Variants in DOC2B observed in about 807,000 individuals in gnomAD.
DOC2B encodes double C2-like domain-containing protein beta.
DOC2B carries 21 observed loss-of-function variants against 28.9 expected under a neutral mutation model. The observed-to-expected ratio is 0.73, with a 90% CI of 0.52 to 1.05. The LOEUF is 1.05. Ranked by LOEUF, DOC2B falls within the 50% of genes least tolerant of loss-of-function variation. DOC2B has a pLI of 0.00. For missense variants in DOC2B, 384 were observed against 421.1 expected, an observed-to-expected ratio of 0.91 and a Z score of 0.77; for synonymous variants, 194 against 178.1, an observed-to-expected ratio of 1.09 and a Z score of -0.71.
At position 181,106 on chromosome 17, in the gene DOC2B, C is replaced by T; in HGVS notation, c.373+1G>A. ...GCGAAGTCGGCGCGTGGGAAACTTACTGCAGTCGTCCGACTCGTAGCCGTC... is the reference window on the plus strand; with the variant it reads ...GCGAAGTCGGCGCGTGGGAAACTTATTGCAGTCGTCCGACTCGTAGCCGTC... On this transcript the variant is annotated splice_donor_variant, in intron 1 of 8. Transcript: ENST00000613549. LOFTEE classifies it high-confidence loss of function. The surrounding 1 kb of genome is among the most constrained non-coding windows in gnomAD (Gnocchi z 7.0). 1 of 1,246,436 alleles carries T rather than the reference C, an allele frequency of 8.0e-7. No homozygotes were observed. The highest frequency in any genetic ancestry group is 1.0e-6 in the Non-Finnish European group (1 of 994,188). The allele number at this position is 1,246,436 out of a possible 1,614,324, so 77.2% of individuals were successfully genotyped here.
chr17:172,269 GCTCGAGGGT>G (rs1247000442), intron 2 of DOC2B, among the ~76,000 whole-genome samples: 16 of 151,962 alleles, frequency 1.1e-4, no homozygotes, highest in Non-Finnish European at 1.6e-4. Flanking sequence ...CCCTCCCCAG[GCTCGAGGGT>G]CCTCGGTCCA....
intron 6 of DOC2B, among the ~76,000 whole-genome samples, chr17:149,783 G>C (rs1336216327): frequency 6.6e-6 from 1 of 152,206 alleles, no homozygotes; most frequent in African/African-American, 2.4e-5. Flanking sequence ...TGGGATTACA[G>C]GCGTGAGCCA....
At chr17:155,295 T>TA (rs1205433877) in intron 6 of DOC2B, among the ~76,000 whole-genome samples, 1 of 152,146 alleles carries the variant, frequency 6.6e-6, no homozygotes, top group Non-Finnish European at 1.5e-5. Flanking sequence ...ACCTGCCACA[T>TA]ACAATTTTTA....
In DOC2B at chr17:181,364, CG is replaced by C; in HGVS notation, c.115del (p.Arg39AlafsTer115). 3 of 1,131,024 alleles carry C rather than the reference CG, an allele frequency of 2.7e-6. No homozygotes were observed. The highest frequency in any genetic ancestry group is 5.4e-5 in the East Asian group (1 of 18,666). The allele number at this position is 1,131,024 out of a possible 1,614,324, so 70.1% of individuals were successfully genotyped here. A position where few individuals can be genotyped will look rare whatever the true frequency, so the allele number is the denominator to read the frequency against. On this transcript the variant is annotated frameshift_variant, in exon 1 of 9. Coordinates refer to ENST00000613549, the MANE Select transcript of DOC2B (RefSeq NM_003585.5). LOFTEE classifies it high-confidence loss of function. The surrounding 1 kb of genome is among the most constrained non-coding windows in gnomAD (Gnocchi z 7.0). ...PIKQISDYFP[R>X]FPRGLPPDAG... The stretch of plus-strand genomic sequence containing the variant: ...GTCCGGGGGCAGGCCCCGCGGGAAG[CG>C]GGGGAAGTAGTCGGAGATCTGCTTG...
chr17:173,244 T>C (rs931147712), intron 1 of DOC2B, among the ~76,000 whole-genome samples: 1 of 151,692 alleles, frequency 6.6e-6, no homozygotes, highest in East Asian at 1.9e-4. Flanking sequence ...TTGGGGGAGG[T>C]TGCAGCCATA....
Position 172,547 on chromosome 17 carries a change from G to A in DOC2B, c.443C>T (p.Thr148Ile). 6.4e-7 allele frequency: 1 copy of A among 1,551,026 alleles called. No homozygotes were observed. Among genetic ancestry groups the A allele is most frequent in the Non-Finnish European group, 8.7e-7 (1 of 1,146,606 alleles). The change falls in exon 2 of 9, where the codon ACC becomes ATC. Residue 148 changes from threonine (T) to isoleucine (I), a missense_variant. Transcript: ENST00000613549. ...GCTGGCGGGGCCTACCTTGGCCTTGGTGATGGTGCAGTGGAGGGCGTTGTT... is the reference window on the plus strand; with the variant it reads ...GCTGGCGGGGCCTACCTTGGCCTTGATGATGGTGCAGTGGAGGGCGTTGTT... Reference protein sequence around the residue: ...QENNALHCTITKAKGLKPMDH... With the variant: ...QENNALHCTIIKAKGLKPMDH...
intron 3 of DOC2B, 35 bp from the exon 4 acceptor site, chr17:162,225 A>C: frequency 6.8e-7 from 1 of 1,474,908 alleles, no homozygotes; most frequent in Non-Finnish European, 9.3e-7. Flanking sequence ...TTAGCATCAA[A>C]GTGTGTATCA....
At chr17:170,545 T>C (rs1426823543) in intron 2 of DOC2B, among the ~76,000 whole-genome samples, 1 of 151,932 alleles carries the variant, frequency 6.6e-6, no homozygotes, top group Non-Finnish European at 1.5e-5. Context: ...GGCAGCTCTG[T>C]GGGAAGCCGC....
intron 6 of DOC2B, among the ~76,000 whole-genome samples, chr17:150,393 G>A (rs547289895): frequency 1.3e-4 from 19 of 151,812 alleles, no homozygotes; most frequent in African/African-American, 3.9e-4. Context: ...CCAAAGACAC[G>A]CCCATGTCCA....
chr17:161,210 A>T (rs2040198564), intron 5 of DOC2B, among the ~76,000 whole-genome samples: 1 of 151,934 alleles, frequency 6.6e-6, no homozygotes, highest in Admixed American at 6.6e-5. Context: ...ATGATCCCTC[A>T]GCTTAGCACC....
At position 155,123 on chromosome 17, in the gene DOC2B, T is replaced by TA. The variant is rs1334354190; in HGVS notation, c.923+1096_923+1097insT. 1.4e-4 allele frequency among the ~76,000 whole-genome samples: 21 copies of TA among 152,178 alleles called. 1 individual carries two copies. The highest frequency in any genetic ancestry group is 5.1e-4 in the African/African-American group (21 of 41,522). On this transcript the variant is annotated intron_variant, in intron 6 of 8. Transcript: ENST00000613549. Reference sequence around the variant, plus strand: ...GGGTTCAAGCAATCCTCTCAAGTAGTTAGGACTACAGGGACATGCCACTAC... The same window carrying TA: ...GGGTTCAAGCAATCCTCTCAAGTAGTATAGGACTACAGGGACATGCCACTAC...
chr17:148,138 C>A, intron 8 of DOC2B, 35 bp downstream of exon 8: 2 of 398,552 alleles, frequency 5.0e-6, no homozygotes. Flanking sequence ...AGGACAGGCA[C>A]ACAGTGAGAC....
At chr17:178,075 A>G (rs2040390879) in intron 1 of DOC2B, among the ~76,000 whole-genome samples, 1 of 152,234 alleles carries the variant, frequency 6.6e-6, no homozygotes, top group Non-Finnish European at 1.5e-5. Flanking sequence ...CCAATTCCTT[A>G]CCCAGTCAAG....
chr17:176,661 G>A (rs1297845727), intron 1 of DOC2B, among the ~76,000 whole-genome samples: 2 of 152,224 alleles, frequency 1.3e-5, no homozygotes, highest in Non-Finnish European at 2.9e-5. Flanking sequence ...AGAGCCCTCC[G>A]AGTTGGAAAA....
At chr17:151,782 C>T (rs1428401226) in intron 6 of DOC2B, among the ~76,000 whole-genome samples, 4 of 152,180 alleles carry the variant, frequency 2.6e-5, no homozygotes, top group African/African-American at 9.7e-5. Context: ...ATCTCTGCAC[C>T]CTCAGCCTGG....
chr17:169,774 C>A (rs1422386126), intron 2 of DOC2B, among the ~76,000 whole-genome samples: 1 of 152,040 alleles, frequency 6.6e-6, no homozygotes, highest in Non-Finnish European at 1.5e-5. Flanking sequence ...GCTCACCCAC[C>A]CTGGGCCCCT....
rs1287959140 is a variant in DOC2B, at chr17:149,334, A to G, written c.924-142T>C. ...TTGTCCTAATCATTGGATTTTCCCA[A>G]CGCTATTTTGTGGCAAAGGCGAGAC... On this transcript the variant is annotated intron_variant, in intron 6 of 8. Transcript: ENST00000613549. 3 of 397,216 alleles carry G rather than the reference A, an allele frequency of 7.6e-6. No individual in the cohort carries two copies. The East Asian group carries it at 1.1e-4, about 14-fold the overall frequency. The allele number at this position is 397,216 out of a possible 1,614,324, so 24.6% of individuals were successfully genotyped here. A position where few individuals can be genotyped will look rare whatever the true frequency, so the allele number is the denominator to read the frequency against.
chr17:152,286 G>A (rs1211286621), intron 6 of DOC2B, among the ~76,000 whole-genome samples: 5 of 152,212 alleles, frequency 3.3e-5, no homozygotes, highest in African/African-American at 4.8e-5. Flanking sequence ...CGACCGCACA[G>A]GCTGCTGAGC....
intron 2 of DOC2B, among the ~76,000 whole-genome samples, chr17:166,106 G>A (rs963723274): frequency 1.3e-5 from 2 of 152,204 alleles, no homozygotes; most frequent in African/African-American, 2.4e-5. Context: ...CCCCGGGACT[G>A]TGACGAGGCC....
Sources: gnomAD v4.1 joint callset for allele counts (sites outside exome capture counted in the v4.1 genomes callset) on GRCh38, gnomAD v4.1.1 for gene constraint, Gnocchi (gnomAD v3.1) non-coding constraint, MANE v1.5 for transcripts, NCBI Gene and HGNC (gene_info 2026-07-23, HGNC 2026-07-21) for gene names.